Variants in NXT2 observed in about 807,000 individuals in gnomAD.
NXT2 encodes NTF2-related export protein 2.
A neutral mutation model predicts 9.6 loss-of-function variants in NXT2; 1 was observed. The ratio of observed to expected loss-of-function variants is 0.10; its 90% CI spans 0.04 to 0.49. NXT2 has a LOEUF of 0.49. Among genes scored for constraint, NXT2 ranks in the 20% least tolerant of loss-of-function variants. The probability of loss-of-function intolerance (pLI) is 0.95; values close to 1 mark genes in which losing one functional copy is unlikely to be tolerated. For missense variants in NXT2, 48 were observed against 100.3 expected, an observed-to-expected ratio of 0.48 and a Z score of 2.23; for synonymous variants, 22 against 35.4, an observed-to-expected ratio of 0.62 and a Z score of 1.34.
At position 109,543,499 on chromosome X, in the gene NXT2, A is replaced by ACTTGTTTC. The variant is rs1933462895; in HGVS notation, c.*811_*812insCTTGTTTC. On this transcript the variant is annotated 3_prime_UTR_variant, in exon 4 of 4. Transcript: ENST00000372106. The stretch of plus-strand genomic sequence containing the variant: ...AAAGTAAGGAGGGTGGCCAAATGGT[A>ACTTGTTTC]AACTATTGGTACTTGTTTTCTACCT... 2 of 112,159 alleles carry ACTTGTTTC rather than the reference A, an allele frequency of 1.8e-5. No homozygotes were observed. Among genetic ancestry groups the ACTTGTTTC allele is most frequent in the South Asian group, 3.7e-4 (1 of 2,708 alleles). 9.2% of individuals were successfully genotyped at this position (112,159 alleles called of 1,213,427 possible). A position where few individuals can be genotyped will look rare whatever the true frequency, so the allele number is the denominator to read the frequency against.
chrX:109,542,520 G>T lies in NXT2; in HGVS notation c.261G>T (p.Gln87His). The T allele has an allele frequency of 8.4e-7, 1 of 1,197,011 alleles. No individual in the cohort carries two copies. Among genetic ancestry groups the T allele is most frequent in the Non-Finnish European group, 1.1e-6 (1 of 888,116 alleles). ...DCQPVHEQATQSQTTVLVVTS... is the reference protein window; with the variant it reads ...DCQPVHEQATHSQTTVLVVTS... Reference sequence around the variant, plus strand: ...ATGTGGATGAAGAGCAAGCAACTCAGTCCCAAACTACAGTTCTTGTTGTGA... The same window carrying T: ...ATGTGGATGAAGAGCAAGCAACTCATTCCCAAACTACAGTTCTTGTTGTGA... Residue 87 changes from glutamine to histidine, a missense_variant, in exon 4 of 4, where the codon CAG becomes CAT. Coordinates refer to ENST00000372106, the MANE Select transcript of NXT2 (RefSeq NM_001242617.2).
At chrX:109,541,371 C>CA in intron 2 of NXT2, 104 bp from the exon 3 acceptor site, 6 of 744,809 alleles carry the variant, frequency 8.1e-6, no homozygotes, top group Non-Finnish European at 1.1e-5. Context: ...GGTAGAACTA[C>CA]AAAAAATGTT....
upstream of NXT2, chrX:109,535,981 A>G (rs775531097): frequency 8.6e-7 from 1 of 1,161,715 alleles, no homozygotes; most frequent in South Asian, 1.9e-5. Context: ...ACTCAAGGTA[A>G]AACTACGACA....
intron 3 of NXT2, among the ~76,000 whole-genome samples, chrX:109,541,884 G>T (rs1234580489): frequency 8.9e-6 from 1 of 111,783 alleles, no homozygotes; most frequent in East Asian, 2.8e-4. Flanking sequence ...TAAATGGCAG[G>T]GAAAGATTAT....
In NXT2 at chrX:109,536,976, A is replaced by G. The variant is rs751075998; in HGVS notation, c.-31A>G. On this transcript the variant is annotated 5_prime_UTR_variant, in exon 1 of 4. Coordinates refer to ENST00000372106, the MANE Select transcript of NXT2 (RefSeq NM_001242617.2). ...CACGTGAGGAGGTAGTGACGCCGAC[A>G]CTGCCAGAACACACTGCTACAAGGT... 5 of 1,210,226 alleles carry G rather than the reference A, an allele frequency of 4.1e-6. No homozygotes were observed. The highest frequency in any genetic ancestry group is 4.4e-5 in the Admixed American group (2 of 45,879).
intron 2 of NXT2, among the ~76,000 whole-genome samples, chrX:109,539,018 C>T (rs1312242841): frequency 3.6e-5 from 4 of 110,866 alleles, no homozygotes; most frequent in African/African-American, 1.3e-4. Flanking sequence ...GCTATCCCTC[C>T]TCTAGCCCCC....
chrX:109,542,349 G>A lies in NXT2; in HGVS notation c.248-158G>A, dbSNP rs993481056. On this transcript the variant is annotated intron_variant, in intron 3 of 3. Transcript: ENST00000372106. ...CTTTTACTAAGTACTTAGTTTTCTGGGTTTGAGTATGCATGCTTAAGATTA... is the reference window on the plus strand; with the variant it reads ...CTTTTACTAAGTACTTAGTTTTCTGAGTTTGAGTATGCATGCTTAAGATTA... Among the ~76,000 whole-genome samples the A allele has an allele frequency of 9.9e-5, 11 of 111,040 alleles. 1 individual carries two copies. The Admixed American group carries it at 1.1e-3, about 11-fold the overall frequency.
rs1933471915 is a variant in NXT2 at position 109,543,856 on chromosome X, A to G, written c.*1168A>G. On this transcript the variant is annotated 3_prime_UTR_variant, in exon 4 of 4. Coordinates refer to ENST00000372106, the MANE Select transcript of NXT2 (RefSeq NM_001242617.2). ...TTATGTATCACACATCCCCCAAATA[A>G]GTGATTTTTTCCCAGTGCTTTGTAC... 8.9e-6 allele frequency: 1 copy of G among 111,743 alleles called. No individual in the cohort carries two copies. Among genetic ancestry groups the G allele is most frequent in the Admixed American group, 9.5e-5 (1 of 10,529 alleles). 9.2% of individuals were successfully genotyped at this position (111,743 alleles called of 1,213,427 possible).
intron 1 of NXT2, chrX:109,537,355 G>T: frequency 1.2e-6 from 1 of 851,687 alleles, no homozygotes; most frequent in Non-Finnish European, 1.4e-6. Context: ...AAAGAAACTG[G>T]CGATTCATTG....
At chrX:109,537,942 G>C (rs1043558600) in intron 1 of NXT2, 103 bp from the exon 2 acceptor site, 4 of 536,541 alleles carry the variant, frequency 7.5e-6, no homozygotes, top group African/African-American at 4.6e-5. Flanking sequence ...TGTATATAGA[G>C]CTACATAGTG....
At chrX:109,538,521 G>A (rs906152281) in intron 2 of NXT2, among the ~76,000 whole-genome samples, 2 of 111,414 alleles carry the variant, frequency 1.8e-5, no homozygotes, top group African/African-American at 6.5e-5. Context: ...TAATGAAGGG[G>A]TGGGTCATTA....
intron 3 of NXT2, among the ~76,000 whole-genome samples, chrX:109,542,173 C>A (rs1416747273): frequency 9.0e-6 from 1 of 110,730 alleles, no homozygotes; most frequent in Non-Finnish European, 1.9e-5. Flanking sequence ...GTTTAAGAAG[C>A]AAAGCATGAA....
At position 109,537,041 on chromosome X, in the gene NXT2, C is replaced by A. The variant is rs956260726; in HGVS notation, c.15+20C>A. The A allele has an allele frequency of 3.3e-6, 4 of 1,200,578 alleles. No individual in the cohort carries two copies. The highest frequency in any genetic ancestry group is 4.5e-6 in the Non-Finnish European group (4 of 889,913). On this transcript the variant is annotated intron_variant, in intron 1 of 3. Transcript: ENST00000372106. ...TCTCTGGTGAGTGCCTGGGCCGTGG[C>A]AGGACGGCTGGGCGCCGGACTCCAG...
intron 2 of NXT2, among the ~76,000 whole-genome samples, chrX:109,539,401 G>T (rs1287136291): frequency 9.0e-6 from 1 of 111,334 alleles, no homozygotes; most frequent in Non-Finnish European, 1.9e-5. Flanking sequence ...TAATGGGATT[G>T]CTGGGTCAAA....
chrX:109,537,253 A>G, intron 1 of NXT2: 1 of 1,007,532 alleles, frequency 9.9e-7, no homozygotes, highest in Non-Finnish European at 1.3e-6. Context: ...GGAAATAGCG[A>G]GAGGCGGGGA....
In NXT2 at chrX:109,543,756, C is replaced by G. The variant is rs1467722448; in HGVS notation, c.*1068C>G. ...CTAACATGAGAGTTGGAGTCAAAGCCATTGTTATCTTTTGGTGACACCCTT... is the reference window on the plus strand; with the variant it reads ...CTAACATGAGAGTTGGAGTCAAAGCGATTGTTATCTTTTGGTGACACCCTT... On this transcript the variant is annotated 3_prime_UTR_variant, in exon 4 of 4. Coordinates refer to ENST00000372106, the MANE Select transcript of NXT2 (RefSeq NM_001242617.2). The G allele has an allele frequency of 9.0e-6, 1 of 111,541 alleles. No homozygotes were observed. Among genetic ancestry groups the G allele is most frequent in the Non-Finnish European group, 1.9e-5 (1 of 52,949 alleles). 9.2% of individuals were successfully genotyped at this position (111,541 alleles called of 1,213,427 possible). A position where few individuals can be genotyped will look rare whatever the true frequency, so the allele number is the denominator to read the frequency against.
At chrX:109,535,874 A>T, upstream of NXT2, 1 of 1,155,395 alleles carries the variant, frequency 8.7e-7, no homozygotes, top group Non-Finnish European at 1.2e-6. Flanking sequence ...AAAGAGAAAG[A>T]TTAAAAGTAT....
rs1227943956 is a variant in NXT2 at position 109,542,780 on chromosome X, C to T, written c.*92C>T. 1.4e-6 allele frequency: 1 copy of T among 693,084 alleles called. No homozygotes were observed. Among genetic ancestry groups the T allele is most frequent in the Non-Finnish European group, 2.1e-6 (1 of 484,286 alleles). 57.1% of individuals were successfully genotyped at this position (693,084 alleles called of 1,213,427 possible). On this transcript the variant is annotated 3_prime_UTR_variant, in exon 4 of 4. Transcript: ENST00000372106. ...GATTGTAGAAGCACTATAATATGTG[C>T]TGAAACTAAATTTCTTTAATATTTT...
Position 109,544,106 on chromosome X carries a change from G to C in NXT2, c.*1418G>C, listed in dbSNP as rs1367804934. On this transcript the variant is annotated 3_prime_UTR_variant, in exon 4 of 4. Transcript: ENST00000372106. The stretch of plus-strand genomic sequence containing the variant: ...TTAATTTCTAAAGGTAAATAACCTA[G>C]GTTCAGCTTTTGCTTAAACATTAAA... The C allele has an allele frequency of 8.9e-6, 1 of 112,284 alleles. No individual in the cohort carries two copies. Among genetic ancestry groups the C allele is most frequent in the Non-Finnish European group, 1.9e-5 (1 of 53,038 alleles). The allele number at this position is 112,284 out of a possible 1,213,427, so 9.3% of individuals were successfully genotyped here. A position where few individuals can be genotyped will look rare whatever the true frequency, so the allele number is the denominator to read the frequency against.
Sources: allele counts gnomAD v4.1 joint callset (sites outside exome capture counted in the v4.1 genomes callset), GRCh38; gene constraint gnomAD v4.1.1; transcripts MANE v1.5; gene names NCBI Gene and HGNC (gene_info 2026-07-23, HGNC 2026-07-21).